GYPC: variants seen among roughly 807,000 people sequenced by gnomAD.
GYPC encodes glycophorin-C.
Under a neutral mutation model 12.6 loss-of-function variants are expected in GYPC, and 14 were observed. The observed-to-expected ratio is 1.11, with a 90% CI of 0.74 to 1.74. The LOEUF is 1.74. Among genes scored for constraint, GYPC ranks in the 40% most tolerant of loss-of-function variants. The pLI, the probability that GYPC is intolerant of heterozygous loss-of-function variation, is 0.00. For synonymous variants in GYPC, 78 were observed against 62.1 expected (o/e 1.26, Z -1.20); for missense variants, 225 against 172.1 (o/e 1.31, Z -1.72).
intron 1 of GYPC, among the ~76,000 whole-genome samples, chr2:126,661,612 C>T (rs1241810249): frequency 6.6e-6 from 1 of 152,146 alleles, no homozygotes; most frequent in African/African-American, 2.4e-5. Flanking sequence ...ACCACCATGC[C>T]TGGCTAATTT....
chr2:126,692,437 G>A (rs1456217386), intron 2 of GYPC, among the ~76,000 whole-genome samples: 1 of 152,134 alleles, frequency 6.6e-6, no homozygotes, highest in Non-Finnish European at 1.5e-5. Context: ...GCTGCACTGG[G>A]GAGAATGACC....
intron 1 of GYPC, chr2:126,680,557 G>A (rs2104793040): frequency 6.6e-6 from 1 of 152,374 alleles, no homozygotes; most frequent in South Asian, 2.1e-4. Flanking sequence ...CAGCGGCCCT[G>A]TGATTCCAAA....
chr2:126,690,290 A>T lies in GYPC; in HGVS notation c.85A>T (p.Met29Leu), dbSNP rs1264427533. ...GGGGATGGCCTCTGCCTCCACCACA[A>T]TGCATACTACCACCATTGCAGGTGA... ...DPGMASASTT[M>L]HTTTIAEPDP... The change falls in exon 2 of 4, where the codon ATG becomes TTG. Residue 29 changes from methionine (M) to leucine (L), a missense_variant. Transcript: ENST00000259254. The T allele has an allele frequency of 1.2e-6, 2 of 1,612,440 alleles. No individual in the cohort carries two copies. Among genetic ancestry groups the T allele is most frequent in the African/African-American group, 2.7e-5 (2 of 74,888 alleles).
chr2:126,663,950 G>C (rs967343036), intron 1 of GYPC, among the ~76,000 whole-genome samples: 1 of 129,854 alleles, frequency 7.7e-6, no homozygotes, highest in Admixed American at 7.5e-5. Context: ...TAAGGTTCTG[G>C]TCTCTCTCTC....
intron 1 of GYPC, among the ~76,000 whole-genome samples, chr2:126,665,592 G>A (rs958441085): frequency 3.3e-5 from 5 of 152,118 alleles, no homozygotes; most frequent in Non-Finnish European, 7.4e-5. Flanking sequence ...CCCTGTGAGG[G>A]GCCCAGAAGG....
chr2:126,690,286 C>G lies in GYPC; in HGVS notation c.81C>G (p.Thr27=), dbSNP rs748180086. The G allele has an allele frequency of 8.1e-6, 13 of 1,612,620 alleles. No homozygotes were observed. Among genetic ancestry groups the G allele is most frequent in the Non-Finnish European group, 1.1e-5 (13 of 1,178,730 alleles). Residue 27 remains threonine (T), a synonymous_variant, in exon 2 of 4, where the codon ACC becomes ACG. Coordinates refer to ENST00000259254, the MANE Select transcript of GYPC (RefSeq NM_002101.5). ...ATCCGGGGATGGCCTCTGCCTCCAC[C>G]ACAATGCATACTACCACCATTGCAG... ...EPDPGMASAS[T]TMHTTTIAEP...
In GYPC at chr2:126,691,496, A is replaced by G. The variant is rs751259734; in HGVS notation, c.106+1185A>G. On this transcript the variant is annotated intron_variant, in intron 2 of 3. Coordinates refer to ENST00000259254, the MANE Select transcript of GYPC (RefSeq NM_002101.5). The stretch of plus-strand genomic sequence containing the variant: ...TCCTGCAGACTCACCCCAGTCCTCA[A>G]TCGCCAGGAGGGAATGGGAGCAGGG... Among the ~76,000 whole-genome samples, 45 of 152,094 alleles carry G rather than the reference A, an allele frequency of 3.0e-4. 1 individual carries two copies. The highest frequency in any genetic ancestry group is 2.5e-3 in the Admixed American group (38 of 15,270).
intron 1 of GYPC, among the ~76,000 whole-genome samples, chr2:126,684,762 C>T (rs151085717): frequency 6.6e-6 from 1 of 152,314 alleles, no homozygotes; most frequent in East Asian, 1.9e-4. Flanking sequence ...ATGAGCATCC[C>T]CATTGCCATA....
At chr2:126,675,669 C>T in intron 1 of GYPC, 1 of 984,942 alleles carries the variant, frequency 1.0e-6, no homozygotes, top group South Asian at 4.7e-5. Context: ...CCTGTCGTGG[C>T]TGTTCGTCAC....
chr2:126,673,676 C>A (rs531237812), intron 1 of GYPC, among the ~76,000 whole-genome samples: 4 of 152,286 alleles, frequency 2.6e-5, no homozygotes, highest in African/African-American at 9.6e-5. Context: ...GCAGACCGTG[C>A]CAACTCCTCT....
chr2:126,682,604 C>T (rs573294304), intron 1 of GYPC, among the ~76,000 whole-genome samples: 8 of 152,306 alleles, frequency 5.3e-5, no homozygotes, highest in South Asian at 2.1e-4. Context: ...CTTCCACTTC[C>T]GCTGTGAAGA....
Position 126,696,382 on chromosome 2 carries a change from G to T in GYPC, c.*240G>T. 1 of 515,546 alleles carries T rather than the reference G, an allele frequency of 1.9e-6. No homozygotes were observed. 31.9% of individuals were successfully genotyped at this position (515,546 alleles called of 1,614,324 possible). ...ATGGCCACCCCAGAGGCCACCTTTTGCTCCACGGAGGTGGGAGAAAATCTG... is the reference window on the plus strand; with the variant it reads ...ATGGCCACCCCAGAGGCCACCTTTTTCTCCACGGAGGTGGGAGAAAATCTG... On this transcript the variant is annotated 3_prime_UTR_variant, in exon 4 of 4. Transcript: ENST00000259254.
chr2:126,661,806 TG>T (rs2064975828), intron 1 of GYPC, among the ~76,000 whole-genome samples: 1 of 152,272 alleles, frequency 6.6e-6, no homozygotes, highest in East Asian at 1.9e-4. Flanking sequence ...ACACACTGCT[TG>T]GGGCCCAGCA....
intron 1 of GYPC, among the ~76,000 whole-genome samples, chr2:126,670,305 C>G (rs991258937): frequency 1.3e-5 from 2 of 152,212 alleles, no homozygotes. Flanking sequence ...CCCTGGGGCT[C>G]AGGATTGCCT....
intron 1 of GYPC, among the ~76,000 whole-genome samples, chr2:126,667,229 G>A (rs1682708314): frequency 6.6e-6 from 1 of 152,058 alleles, no homozygotes; most frequent in African/African-American, 2.4e-5. Context: ...TTTTGGTTTG[G>A]GTTCAGCACT....
chr2:126,657,085 C>A, intron 1 of GYPC, among the ~76,000 whole-genome samples: 1 of 152,050 alleles, frequency 6.6e-6, no homozygotes. Context: ...AGAGGAGATA[C>A]CCTGAGCCTA....
In GYPC at chr2:126,660,749, C is replaced by T. The variant is rs186196031; in HGVS notation, c.49+4437C>T. 2.1e-4 allele frequency among the ~76,000 whole-genome samples: 32 copies of T among 152,298 alleles called. 1 individual carries two copies. The highest frequency in any genetic ancestry group is 3.4e-3 in the Middle Eastern group (1 of 294). ...CCTTTAAAAAGCCTTCACTCAGGAG[C>T]TCCTGGTCCAGAACTTGGCATGGAC... On this transcript the variant is annotated intron_variant, in intron 1 of 3. Transcript: ENST00000259254.
Position 126,661,068 on chromosome 2 carries a change from C to T in GYPC, c.49+4756C>T, listed in dbSNP as rs1573554823. Among the ~76,000 whole-genome samples, 3 of 152,232 alleles carry T rather than the reference C, an allele frequency of 2.0e-5. No individual in the cohort carries two copies. In the East Asian group the frequency reaches 5.8e-4, roughly 29 times the overall value. On this transcript the variant is annotated intron_variant, in intron 1 of 3. Transcript: ENST00000259254. ...CCAGAACAATGTTCCTATACAAAAT[C>T]TTAACCCATGGCAGAAACTGGCAAG...
intron 1 of GYPC, among the ~76,000 whole-genome samples, chr2:126,689,488 G>A (rs1683391610): frequency 6.6e-6 from 1 of 151,524 alleles, no homozygotes; most frequent in Non-Finnish European, 1.5e-5. Flanking sequence ...TCCCAAGGTG[G>A]CAGTGATGGG....
Sources: allele counts gnomAD v4.1 joint callset (sites outside exome capture counted in the v4.1 genomes callset), GRCh38; gene constraint gnomAD v4.1.1; transcripts MANE v1.5; gene names NCBI Gene and HGNC (gene_info 2026-07-23, HGNC 2026-07-21).